The following ASCC3 variants were observed in gnomAD, a reference collection of about 807,000 sequenced individuals.
ASCC3 encodes the protein ASC-1 complex subunit P200.
A neutral mutation model predicts 256.3 loss-of-function variants in ASCC3; 158 were observed. The observed-to-expected ratio is 0.62, with a 90% CI of 0.54 to 0.70. The LOEUF (loss-of-function observed/expected upper bound fraction) is 0.70, where lower values mean the gene tolerates loss of function less well. Among genes scored for constraint, ASCC3 ranks in the 30% least tolerant of loss-of-function variants. The pLI is 0.00. For missense variants in ASCC3, 2,259 were observed against 2,626.0 expected, an observed-to-expected ratio of 0.86 and a Z score of 3.05; for synonymous variants, 948 against 883.4, an observed-to-expected ratio of 1.07 and a Z score of -1.30.
intron 4 of ASCC3, among the ~76,000 whole-genome samples, chr6:100,818,087 G>A (rs1770841252): frequency 6.6e-6 from 1 of 152,080 alleles, no homozygotes; most frequent in Admixed American, 6.5e-5. Flanking sequence ...TACAAGGTTG[G>A]TTCGGCATTA....
chr6:100,660,611 A>T (rs561219127), intron 16 of ASCC3, among the ~76,000 whole-genome samples: 82 of 151,770 alleles, frequency 5.4e-4, no homozygotes, highest in African/African-American at 2.0e-3. Context: ...TTATCTTCTA[A>T]AACTTATCCA....
intron 8 of ASCC3, among the ~76,000 whole-genome samples, chr6:100,794,209 C>T (rs1415292295): frequency 6.6e-6 from 1 of 152,020 alleles, no homozygotes; most frequent in Non-Finnish European, 1.5e-5. Flanking sequence ...ATTTACTTTC[C>T]TATTTTTAAG....
At chr6:100,732,726 T>C (rs1319871278) in intron 10 of ASCC3, among the ~76,000 whole-genome samples, 3 of 152,046 alleles carry the variant, frequency 2.0e-5, no homozygotes, top group Non-Finnish European at 1.5e-5. Context: ...AGAGGAGAAA[T>C]GTGGTCCAAA....
intron 2 of ASCC3, among the ~76,000 whole-genome samples, chr6:100,865,754 C>CA (rs540362185): frequency 1.3e-5 from 2 of 151,026 alleles, no homozygotes; most frequent in Non-Finnish European, 3.0e-5. Flanking sequence ...TGATGTTTTT[C>CA]AAAAAAAAGG....
Position 100,650,523 on chromosome 6 carries a change from G to C in ASCC3, c.3252+15C>G, listed in dbSNP as rs1284179074. The stretch of plus-strand genomic sequence containing the variant: ...ATTCAAGGAAGAGAAAACTGGAAGG[G>C]AATAAGATACTTACCTGTGCAACAT... On this transcript the variant is annotated intron_variant, in intron 20 of 41. Coordinates refer to ENST00000369162, the MANE Select transcript of ASCC3 (RefSeq NM_006828.4). The C allele has an allele frequency of 3.7e-6, 6 of 1,611,262 alleles. No homozygotes were observed. The highest frequency in any genetic ancestry group is 5.1e-6 in the Non-Finnish European group (6 of 1,177,982).
chr6:100,512,903 A>G lies in ASCC3; in HGVS notation c.6091T>C (p.Ser2031Pro), dbSNP rs1381523452. Residue 2031 changes from serine (S) to proline (P), a missense_variant, in exon 40 of 42, where the codon TCT becomes CCT. Physicochemically the swap from Ser to Pro is moderately conservative, Grantham distance 74 (BLOSUM62 -1). This residue lies in a region of ASCC3 where 1,839 missense variants were observed against 2,206.7 expected (regional missense o/e 0.83). Coordinates refer to ENST00000369162, the MANE Select transcript of ASCC3 (RefSeq NM_006828.4). ...CCAACATTTATCACTGGCAAGTGAG[A>G]TAAGAAATTCCATGCCTAAATAAAA... ...AKTKQAWNFL[S>P]HLPVINVGIS... 2 of 1,613,874 alleles carry G rather than the reference A, an allele frequency of 1.2e-6. No individual in the cohort carries two copies. Among genetic ancestry groups the G allele is most frequent in the South Asian group, 1.1e-5 (1 of 91,070 alleles).
At chr6:100,681,744 A>AAAAC in intron 13 of ASCC3, among the ~76,000 whole-genome samples, 1 of 150,956 alleles carries the variant, frequency 6.6e-6, no homozygotes, top group African/African-American at 2.4e-5. Context: ...AAAAAAAAAA[A>AAAAC]AAAGAAAAGA....
chr6:100,566,822 TAAGG>T (rs71760633), intron 36 of ASCC3, among the ~76,000 whole-genome samples: 8,473 of 152,244 alleles, frequency 0.056, 330 homozygotes, highest in Non-Finnish European at 0.085. Flanking sequence ...TAGCTCCATG[TAAGG>T]AAGGATACTC....
intron 37 of ASCC3, among the ~76,000 whole-genome samples, chr6:100,532,342 G>T (rs2114645606): frequency 7.9e-6 from 1 of 125,988 alleles, no homozygotes; most frequent in Admixed American, 8.5e-5. Context: ...TTGCGTGTGT[G>T]TGTGTGTGTG....
At chr6:100,755,159 C>T (rs1231209666) in intron 10 of ASCC3, among the ~76,000 whole-genome samples, 1 of 152,058 alleles carries the variant, frequency 6.6e-6, no homozygotes, top group African/African-American at 2.4e-5. Flanking sequence ...AACTCTTTCT[C>T]ACTGGAACAC....
chr6:100,665,326 C>T (rs1169016159), intron 14 of ASCC3, among the ~76,000 whole-genome samples: 1 of 152,076 alleles, frequency 6.6e-6, no homozygotes, highest in East Asian at 1.9e-4. Flanking sequence ...TGGTTCATTA[C>T]AGACTTGAAG....
chr6:100,877,675 C>T (rs1769050396), intron 1 of ASCC3, among the ~76,000 whole-genome samples: 1 of 152,120 alleles, frequency 6.6e-6, no homozygotes, highest in Non-Finnish European at 1.5e-5. Flanking sequence ...ATCTACCAAA[C>T]ACTGTAGGCC....
At chr6:100,610,263 A>C (rs1773328389) in intron 30 of ASCC3, among the ~76,000 whole-genome samples, 1 of 152,208 alleles carries the variant, frequency 6.6e-6, no homozygotes, top group African/African-American at 2.4e-5. Flanking sequence ...GCATGCTTGC[A>C]ATATACTTAG....
intron 10 of ASCC3, among the ~76,000 whole-genome samples, chr6:100,759,875 G>A (rs1222132718): frequency 2.0e-5 from 3 of 151,968 alleles, no homozygotes; most frequent in Admixed American, 2.0e-4. Context: ...CCTTCACATC[G>A]CTTGTTAGCT....
chr6:100,784,959 TAG>T (rs1782621096), intron 8 of ASCC3, among the ~76,000 whole-genome samples: 1 of 152,098 alleles, frequency 6.6e-6, no homozygotes, highest in African/African-American at 2.4e-5. Context: ...TTCTGTAATA[TAG>T]AGTCCTACAT....
intron 37 of ASCC3, among the ~76,000 whole-genome samples, chr6:100,533,923 C>G (rs1775036699): frequency 6.6e-6 from 1 of 152,196 alleles, no homozygotes; most frequent in African/African-American, 2.4e-5. Context: ...CAAATTGCCT[C>G]AACAAATCAC....
intron 30 of ASCC3, among the ~76,000 whole-genome samples, chr6:100,612,189 A>G (rs1199642917): frequency 6.6e-6 from 1 of 152,022 alleles, no homozygotes; most frequent in Admixed American, 6.6e-5. Flanking sequence ...TTTTGTAGAA[A>G]TATAGATTCC....
At chr6:100,760,748 G>A (rs770441063) in intron 10 of ASCC3, among the ~76,000 whole-genome samples, 36 of 152,208 alleles carry the variant, frequency 2.4e-4, no homozygotes, top group East Asian at 7.7e-4. Context: ...AATCAGTGGC[G>A]TCAAACATAG....
chr6:100,572,629 T>C (rs1194394190), intron 36 of ASCC3, among the ~76,000 whole-genome samples: 1 of 152,130 alleles, frequency 6.6e-6, no homozygotes, highest in African/African-American at 2.4e-5. Flanking sequence ...TAAAACAAGA[T>C]TCAATAAAGC....
Sources: gnomAD v4.1 joint callset for allele counts (sites outside exome capture counted in the v4.1 genomes callset) on GRCh38, gnomAD v4.1.1 for gene constraint, gnomAD v4.1.1 regional missense constraint, MANE v1.5 for transcripts, NCBI Gene and HGNC (gene_info 2026-07-23, HGNC 2026-07-21) for gene names.